PRMT3: variants seen among roughly 807,000 people sequenced by gnomAD.
PRMT3 encodes protein arginine N-methyltransferase 3.
PRMT3 carries 62 observed loss-of-function variants against 71.9 expected under a neutral mutation model. That is an observed-to-expected ratio of 0.86 (90% CI 0.70 to 1.07). The LOEUF (loss-of-function observed/expected upper bound fraction) is 1.07. Ranked by LOEUF, PRMT3 falls within the 50% of genes least tolerant of loss-of-function variation. PRMT3 has a pLI of 0.00. For synonymous variants in PRMT3, 213 were observed against 220.4 expected (o/e 0.97, Z 0.30); for missense variants, 663 against 643.0 (o/e 1.03, Z -0.34).
intron 13 of PRMT3, among the ~76,000 whole-genome samples, chr11:20,479,673 T>C (rs1850883075): frequency 6.6e-6 from 1 of 152,096 alleles, no homozygotes; most frequent in Non-Finnish European, 1.5e-5. Flanking sequence ...TTTGATAGTA[T>C]TTTTTTAAAG....
chr11:20,392,281 A>C, intron 4 of PRMT3, 21 bp downstream of exon 4: 1 of 1,546,520 alleles, frequency 6.5e-7, no homozygotes, highest in South Asian at 1.2e-5. Flanking sequence ...AGCTTAATTT[A>C]TAATTTCGTT....
chr11:20,455,694 T>C, intron 11 of PRMT3, among the ~76,000 whole-genome samples: 1 of 152,078 alleles, frequency 6.6e-6, no homozygotes, highest in Non-Finnish European at 1.5e-5. Flanking sequence ...CTACCAAATA[T>C]TAAAACACAT....
chr11:20,426,250 G>T (rs532960217), intron 9 of PRMT3, among the ~76,000 whole-genome samples: 1 of 152,156 alleles, frequency 6.6e-6, no homozygotes, highest in Admixed American at 6.5e-5. Flanking sequence ...AGCCTGTGAC[G>T]TAAATAGGGT....
intron 7 of PRMT3, among the ~76,000 whole-genome samples, chr11:20,400,390 G>A (rs7931486): frequency 0.91 from 137,882 of 152,184 alleles, 63,331 homozygotes; most frequent in Non-Finnish European, 0.99. Context: ...CCAGAGATAT[G>A]ATTGATAGAG....
At chr11:20,452,099 T>G in intron 10 of PRMT3, 31 bp from the exon 11 acceptor site, 1 of 1,500,414 alleles carries the variant, frequency 6.7e-7, no homozygotes, top group Non-Finnish European at 9.3e-7. Flanking sequence ...TGCACATTTC[T>G]AAACTCTTTT....
intron 9 of PRMT3, among the ~76,000 whole-genome samples, chr11:20,415,009 G>A (rs929632436): frequency 7.5e-6 from 1 of 132,966 alleles, no homozygotes; most frequent in Non-Finnish European, 1.6e-5. Context: ...GACAGTGGTG[G>A]TGGTAGTGGT....
intron 13 of PRMT3, among the ~76,000 whole-genome samples, chr11:20,469,673 C>T (rs1850596635): frequency 6.6e-6 from 1 of 152,104 alleles, no homozygotes; most frequent in Non-Finnish European, 1.5e-5. Context: ...AAAGCATTTC[C>T]TTTGAGCATC....
intron 7 of PRMT3, among the ~76,000 whole-genome samples, chr11:20,401,673 A>G (rs568975725): frequency 3.3e-5 from 5 of 152,348 alleles, no homozygotes; most frequent in South Asian, 2.1e-4. Flanking sequence ...TTCCCATTCT[A>G]TGATATTTAT....
intron 13 of PRMT3, among the ~76,000 whole-genome samples, chr11:20,483,073 C>G (rs1392048913): frequency 6.6e-6 from 1 of 151,938 alleles, no homozygotes; most frequent in Admixed American, 6.6e-5. Flanking sequence ...CTATATGTCC[C>G]CCTTTTACCG....
At position 20,395,804 on chromosome 11, in the gene PRMT3, T is replaced by A; in HGVS notation, c.402T>A (p.Asp134Glu). 1 of 1,609,664 alleles carries A rather than the reference T, an allele frequency of 6.2e-7. No homozygotes were observed. The highest frequency in any genetic ancestry group is 8.5e-7 in the Non-Finnish European group (1 of 1,178,014). Residue 134 changes from aspartate to glutamate, a missense_variant and splice_region_variant, in exon 6 of 16, where the codon GAT becomes GAA. Transcript: ENST00000331079. Reference sequence around the variant, plus strand: ...AATAATGTCCATTTATTTCTTTAGATGTAGAAGATCTTTATGAACCGGTGT... The same window carrying A: ...AATAATGTCCATTTATTTCTTTAGAAGTAGAAGATCTTTATGAACCGGTGT... ...VLEDDLLLQF[D>E]VEDLYEPVSV...
At chr11:20,433,760 A>G (rs750845839) in intron 10 of PRMT3, among the ~76,000 whole-genome samples, 6 of 152,092 alleles carry the variant, frequency 3.9e-5, no homozygotes, top group Admixed American at 3.3e-4. Flanking sequence ...AGCTGGGACT[A>G]CAGACATGTA....
intron 13 of PRMT3, among the ~76,000 whole-genome samples, chr11:20,475,735 C>A (rs558312604): frequency 2.0e-5 from 3 of 150,064 alleles, no homozygotes; most frequent in Admixed American, 6.6e-5. Context: ...CTCACTGCCA[C>A]CTCAACCTCC....
chr11:20,454,488 A>AT (rs1268761074), intron 11 of PRMT3, among the ~76,000 whole-genome samples: 30 of 152,218 alleles, frequency 2.0e-4, no homozygotes, highest in African/African-American at 6.8e-4. Flanking sequence ...ATTAGTATTA[A>AT]GATAATACAG....
At chr11:20,454,029 A>G (rs1434845219) in intron 11 of PRMT3, among the ~76,000 whole-genome samples, 1 of 152,170 alleles carries the variant, frequency 6.6e-6, no homozygotes, top group Non-Finnish European at 1.5e-5. Flanking sequence ...TTTGTTGACC[A>G]TCTACTGGCT....
In PRMT3 at chr11:20,508,888, T is replaced by TAAAG. The variant is rs1851662346; in HGVS notation, c.*477_*480dup. The TAAAG allele has an allele frequency of 5.4e-6, 1 of 186,006 alleles. No individual in the cohort carries two copies. The highest frequency in any genetic ancestry group is 1.2e-5 in the Non-Finnish European group (1 of 86,656). 11.5% of individuals were successfully genotyped at this position (186,006 alleles called of 1,614,324 possible). ...TATTTGCTAGAAAATCAGGATGTAA[T>TAAAG]AAAGATTTGTATAAAAAAACTAAAA... On this transcript the variant is annotated 3_prime_UTR_variant, in exon 16 of 16. Coordinates refer to ENST00000331079, the MANE Select transcript of PRMT3 (RefSeq NM_005788.4).
chr11:20,403,843 T>C (rs1849003840), intron 8 of PRMT3, among the ~76,000 whole-genome samples: 1 of 152,222 alleles, frequency 6.6e-6, no homozygotes. Context: ...TTCATCTCTC[T>C]AAGGTTACTT....
Position 20,387,960 on chromosome 11 carries a change from C to G in PRMT3, c.29-59C>G. On this transcript the variant is annotated intron_variant, in intron 1 of 15. Coordinates refer to ENST00000331079, the MANE Select transcript of PRMT3 (RefSeq NM_005788.4). This position sits in a 1 kb window ranked among gnomAD's most constrained non-coding sequence, Gnocchi z 4.3. ...GGAGAGCCCATCGTCACCTGCTCCT[C>G]GAGCCCCCGGGCCGCACCGGTGTCC... The G allele has an allele frequency of 1.9e-6, 3 of 1,608,700 alleles. No individual in the cohort carries two copies. Among genetic ancestry groups the G allele is most frequent in the Non-Finnish European group, 2.5e-6 (3 of 1,177,218 alleles).
intron 13 of PRMT3, among the ~76,000 whole-genome samples, chr11:20,493,485 CACTTGCTGG>C (rs1851258513): frequency 6.6e-6 from 1 of 152,202 alleles, no homozygotes; most frequent in Non-Finnish European, 1.5e-5. Context: ...CTGAGTAGTG[CACTTGCTGG>C]TCCTTCCTGG....
At chr11:20,392,622 G>GTTTTT (rs77898172) in intron 4 of PRMT3, among the ~76,000 whole-genome samples, 1 of 127,312 alleles carries the variant, frequency 7.9e-6, no homozygotes, top group African/African-American at 2.9e-5. Flanking sequence ...CAGATACTTT[G>GTTTTT]TTTTTTTTTT....
Sources: gnomAD v4.1 joint callset for allele counts (sites outside exome capture counted in the v4.1 genomes callset) on GRCh38, gnomAD v4.1.1 for gene constraint, Gnocchi (gnomAD v3.1) non-coding constraint, MANE v1.5 for transcripts, NCBI Gene and HGNC (gene_info 2026-07-23, HGNC 2026-07-21) for gene names.